SH3BP5: variants seen among roughly 807,000 people sequenced by gnomAD.
SH3BP5 encodes SH3 domain binding protein 5.
Under a neutral mutation model 43.3 loss-of-function variants are expected in SH3BP5, and 22 were observed. The ratio of observed to expected loss-of-function variants is 0.51; its 90% CI spans 0.36 to 0.73. SH3BP5 has a LOEUF of 0.73. SH3BP5 is among the 30% of genes least tolerant of loss of function. SH3BP5 has a pLI of 0.00. For synonymous variants in SH3BP5, 255 were observed against 225.8 expected, an observed-to-expected ratio of 1.13 and a Z score of -1.16; for missense variants, 529 against 586.9, an observed-to-expected ratio of 0.90 and a Z score of 1.02.
Position 15,256,189 on chromosome 3 carries a change from G to A in SH3BP5, c.1265C>T (p.Pro422Leu), listed in dbSNP as rs1407669005. Reference protein sequence around the residue: ...GSSKSQSSTSPEGQALENRMK... With the variant: ...GSSKSQSSTSLEGQALENRMK... The stretch of plus-strand genomic sequence containing the variant: ...CCGGTTCTCCAAGGCCTGGCCCTCA[G>A]GGGAGGTGCTGCTTTGGCTCTTACT... Residue 422 changes from proline (P) to leucine (L), a missense_variant, in exon 9 of 9, where the codon CCT becomes CTT. Transcript: ENST00000383791. The A allele has an allele frequency of 6.2e-7, 1 of 1,614,170 alleles. No homozygotes were observed.
intron 2 of SH3BP5, among the ~76,000 whole-genome samples, chr3:15,325,963 G>A (rs1698450529): frequency 6.6e-6 from 1 of 152,144 alleles, no homozygotes; most frequent in South Asian, 2.1e-4. Flanking sequence ...AGGCTGCAGT[G>A]AGCCGAGATT....
intron 3 of SH3BP5, among the ~76,000 whole-genome samples, chr3:15,287,595 G>T (rs1366438543): frequency 6.6e-6 from 1 of 152,178 alleles, no homozygotes; most frequent in African/African-American, 2.4e-5. Flanking sequence ...GTGAATCAAT[G>T]AATTTTTGGT....
At chr3:15,322,315 GTT>G (rs533811280) in intron 2 of SH3BP5, among the ~76,000 whole-genome samples, 1 of 151,872 alleles carries the variant, frequency 6.6e-6, no homozygotes, top group Non-Finnish European at 1.5e-5. Flanking sequence ...TTTATGTATA[GTT>G]TTTTTTCCCC....
chr3:15,316,422 A>G (rs1698186783), intron 2 of SH3BP5, among the ~76,000 whole-genome samples: 1 of 151,698 alleles, frequency 6.6e-6, no homozygotes, highest in African/African-American at 2.4e-5. Flanking sequence ...ACGGGGTTTC[A>G]CCATGTTGGT....
intron 3 of SH3BP5, among the ~76,000 whole-genome samples, chr3:15,281,357 G>T (rs759108260): frequency 4.6e-5 from 7 of 152,148 alleles, no homozygotes; most frequent in Non-Finnish European, 7.3e-5. Flanking sequence ...TGAGGCCATG[G>T]TCTGTGTCAA....
Position 15,332,385 on chromosome 3 carries a change from G to C in SH3BP5, c.24C>G (p.Ser8Arg). 2.6e-6 allele frequency: 4 copies of C among 1,537,890 alleles called. No homozygotes were observed. The highest frequency in any genetic ancestry group is 3.5e-6 in the Non-Finnish European group (4 of 1,147,314). The change falls in exon 1 of 9, where the codon AGC (serine) becomes AGG (arginine). Residue 8 changes from serine (S) to arginine (R), a missense_variant. This residue lies in a region of SH3BP5 where 75 missense variants were observed against 61.8 expected (regional missense o/e 1.21). Transcript: ENST00000383791. ...GGATTTCGGCTGGCTCCTCCGAGCG[G>C]CTCCGCTTCAGTGCCGCGTCCATGC... MDAALKR[S>R]RSEEPAEILP...
intron 2 of SH3BP5, among the ~76,000 whole-genome samples, chr3:15,306,283 C>T (rs1425530051): frequency 3.3e-5 from 5 of 152,228 alleles, no homozygotes; most frequent in East Asian, 1.9e-4. Flanking sequence ...GGCGTGAACC[C>T]GGGAGGCGGA....
intron 3 of SH3BP5, among the ~76,000 whole-genome samples, chr3:15,274,406 G>A (rs912560813): frequency 7.9e-5 from 12 of 152,166 alleles, no homozygotes; most frequent in African/African-American, 2.9e-4. Flanking sequence ...TACAATCATG[G>A]CAGAAGGCAA....
intron 1 of SH3BP5, among the ~76,000 whole-genome samples, chr3:15,340,441 C>T (rs1424087908): frequency 1.3e-5 from 2 of 152,006 alleles, no homozygotes; most frequent in Non-Finnish European, 2.9e-5. Flanking sequence ...GCTTATAGTC[C>T]AAGGGAAGAC....
chr3:15,312,943 C>T (rs1173643195), intron 2 of SH3BP5, among the ~76,000 whole-genome samples: 1 of 152,118 alleles, frequency 6.6e-6, no homozygotes, highest in Non-Finnish European at 1.5e-5. Context: ...AAGGCTATTT[C>T]CTTTTCAAAC....
chr3:15,271,304 A>G (rs1575293058), intron 3 of SH3BP5, among the ~76,000 whole-genome samples: 1 of 152,180 alleles, frequency 6.6e-6, no homozygotes, highest in Non-Finnish European at 1.5e-5. Flanking sequence ...TTGAGGTTAC[A>G]GTGAAATACA....
chr3:15,265,655 G>A (rs925878771), intron 4 of SH3BP5, among the ~76,000 whole-genome samples: 3 of 151,792 alleles, frequency 2.0e-5, no homozygotes, highest in South Asian at 2.1e-4. Context: ...TGTCTCCTAG[G>A]TAATCAAGGA....
intron 3 of SH3BP5, among the ~76,000 whole-genome samples, chr3:15,291,038 C>T (rs993735463): frequency 9.0e-4 from 137 of 152,234 alleles, no homozygotes; most frequent in African/African-American, 3.1e-3. Context: ...GGAATTCTAC[C>T]GGGAGCTGAC....
chr3:15,261,091 TACA>T (rs768124950), intron 5 of SH3BP5, among the ~76,000 whole-genome samples: 24 of 152,176 alleles, frequency 1.6e-4, no homozygotes, highest in Non-Finnish European at 3.4e-4. Flanking sequence ...GCACAGGTCC[TACA>T]ACAACCCTCG....
intron 3 of SH3BP5, among the ~76,000 whole-genome samples, chr3:15,277,270 C>T (rs967910935): frequency 6.6e-6 from 1 of 152,216 alleles, no homozygotes; most frequent in Non-Finnish European, 1.5e-5. Flanking sequence ...CCACACCCAG[C>T]CTCATTCTAA....
chr3:15,309,284 C>T (rs28394046), intron 2 of SH3BP5, among the ~76,000 whole-genome samples: 2,921 of 152,088 alleles, frequency 0.019, 84 homozygotes, highest in African/African-American at 0.064. Flanking sequence ...TAGTATAGGG[C>T]TTTTTGTTTG....
At chr3:15,322,003 G>A (rs939387199) in intron 2 of SH3BP5, among the ~76,000 whole-genome samples, 1 of 152,030 alleles carries the variant, frequency 6.6e-6, no homozygotes, top group Non-Finnish European at 1.5e-5. Context: ...TCGGGAGTTC[G>A]AGATCAGCTT....
chr3:15,274,248 C>CAA lies in SH3BP5; in HGVS notation c.331-4373_331-4372dup, dbSNP rs530193787. On this transcript the variant is annotated intron_variant, in intron 3 of 8. Coordinates refer to ENST00000383791, the MANE Select transcript of SH3BP5 (RefSeq NM_004844.5). ...GTGACAGAGCAAGACTCTAGCTCAA[C>CAA]AAAAAAAAAAGAAAGAAAGAAAGAA... 2.9e-3 allele frequency among the ~76,000 whole-genome samples: 407 copies of CAA among 137,996 alleles called. 4 individuals carry two copies. The highest frequency in any genetic ancestry group is 0.01 in the African/African-American group (388 of 37,982). The allele number at this position is 137,996 out of a possible 152,430, so 90.5% of individuals were successfully genotyped here. A position where few individuals can be genotyped will look rare whatever the true frequency, so the allele number is the denominator to read the frequency against.
chr3:15,297,967 C>G (rs926295100), intron 3 of SH3BP5, among the ~76,000 whole-genome samples: 12 of 145,978 alleles, frequency 8.2e-5, no homozygotes, highest in Admixed American at 2.7e-4. Flanking sequence ...TACAACTTTT[C>G]TTTTTCTTTT....
Sources: gnomAD v4.1 joint callset for allele counts (sites outside exome capture counted in the v4.1 genomes callset) on GRCh38, gnomAD v4.1.1 for gene constraint, gnomAD v4.1.1 regional missense constraint, MANE v1.5 for transcripts, NCBI Gene and HGNC (gene_info 2026-07-23, HGNC 2026-07-21) for gene names.